PXDNL: variants seen among roughly 807,000 people sequenced by gnomAD.
The protein encoded by PXDNL is probable oxidoreductase PXDNL.
A neutral mutation model predicts 150.8 loss-of-function variants in PXDNL; 145 were observed. The observed-to-expected ratio is 0.96, with a 90% CI of 0.84 to 1.10. PXDNL has a LOEUF of 1.10. PXDNL is among the 50% of genes least tolerant of loss of function. The pLI is 0.00. For missense variants in PXDNL, 2,087 were observed against 1,873.9 expected, an observed-to-expected ratio of 1.11 and a Z score of -2.10; for synonymous variants, 757 against 725.7, an observed-to-expected ratio of 1.04 and a Z score of -0.69.
chr8:51,345,917 A>G lies in PXDNL; in HGVS notation c.3932T>C (p.Val1311Ala), dbSNP rs1179153958. Residue 1311 changes from valine (V) to alanine (A), a missense_variant, in exon 20 of 23, where the codon GTG becomes GCG. Val to Ala is a moderately conservative substitution (Grantham distance 64). Transcript: ENST00000356297. ...GCGTTTCTTTTGAGACTCTTGCGTC[A>G]CTGCTCTGAACTGTCCTCTACTCCT... ...DCRSRGQFRA[V>A]TQESQKKRSA... 5.0e-6 allele frequency: 8 copies of G among 1,613,288 alleles called. No homozygotes were observed. Among genetic ancestry groups the G allele is most frequent in the Non-Finnish European group, 6.8e-6 (8 of 1,179,224 alleles).
intron 10 of PXDNL, among the ~76,000 whole-genome samples, chr8:51,450,401 T>C (rs1441609537): frequency 6.6e-6 from 1 of 152,212 alleles, no homozygotes; most frequent in African/African-American, 2.4e-5. Context: ...CATCCTCATT[T>C]TACCCAGCCC....
chr8:51,642,769 A>G (rs1305337009), intron 2 of PXDNL, among the ~76,000 whole-genome samples: 1 of 152,252 alleles, frequency 6.6e-6, no homozygotes, highest in Non-Finnish European at 1.5e-5. Context: ...TCTGCAGATG[A>G]CATGACTGTA....
chr8:51,401,907 G>C (rs376970121), intron 17 of PXDNL, among the ~76,000 whole-genome samples: 2 of 152,168 alleles, frequency 1.3e-5, no homozygotes, highest in Non-Finnish European at 2.9e-5. Context: ...GGGTGGTGTC[G>C]ATGCAAGGTC....
At chr8:51,578,017 GGA>G (rs200295416) in intron 3 of PXDNL, among the ~76,000 whole-genome samples, 8 of 103,816 alleles carry the variant, frequency 7.7e-5, no homozygotes, top group African/African-American at 3.6e-4. Context: ...AAGGAAGGAA[GGA>G]AGGAAGGAAG....
chr8:51,477,805 C>G (rs1313130928), intron 6 of PXDNL, among the ~76,000 whole-genome samples: 1 of 152,182 alleles, frequency 6.6e-6, no homozygotes, highest in Non-Finnish European at 1.5e-5. Flanking sequence ...CACCTTCCCT[C>G]AGTCATACCT....
intron 1 of PXDNL, among the ~76,000 whole-genome samples, chr8:51,703,887 GTT>G (rs887464848): frequency 2.0e-5 from 3 of 152,040 alleles, no homozygotes; most frequent in Non-Finnish European, 2.9e-5. Context: ...TTCTTCTAAT[GTT>G]TTCCAGAGCA....
intron 12 of PXDNL, among the ~76,000 whole-genome samples, chr8:51,432,708 C>T (rs1212510074): frequency 6.6e-6 from 1 of 152,142 alleles, no homozygotes; most frequent in Non-Finnish European, 1.5e-5. Context: ...AATGTCATAT[C>T]CAATGATCTT....
At chr8:51,430,337 T>G (rs1446516393) in intron 12 of PXDNL, among the ~76,000 whole-genome samples, 1 of 152,154 alleles carries the variant, frequency 6.6e-6, no homozygotes, top group African/African-American at 2.4e-5. Context: ...AACAGAAGCT[T>G]AAAAGATCCA....
At chr8:51,462,885 G>C (rs1351450506) in intron 8 of PXDNL, among the ~76,000 whole-genome samples, 1 of 151,822 alleles carries the variant, frequency 6.6e-6, no homozygotes, top group Non-Finnish European at 1.5e-5. Flanking sequence ...AACCTAAAAG[G>C]GTTAGATTTC....
chr8:51,491,403 C>A (rs1385666109), intron 5 of PXDNL, among the ~76,000 whole-genome samples: 1 of 152,126 alleles, frequency 6.6e-6, no homozygotes, highest in Non-Finnish European at 1.5e-5. Flanking sequence ...CTCGAGTTTT[C>A]TTTCAGGAGC....
intron 2 of PXDNL, among the ~76,000 whole-genome samples, chr8:51,601,455 C>A (rs572897720): frequency 6.6e-6 from 1 of 152,076 alleles, no homozygotes; most frequent in Non-Finnish European, 1.5e-5. Context: ...TTGAAGTGAA[C>A]CCTTGGTCAT....
chr8:51,753,975 A>G (rs2037072235), intron 1 of PXDNL, among the ~76,000 whole-genome samples: 1 of 152,242 alleles, frequency 6.6e-6, no homozygotes, highest in Non-Finnish European at 1.5e-5. Flanking sequence ...TATCTCGATT[A>G]TCAAGCCACT....
intron 19 of PXDNL, among the ~76,000 whole-genome samples, chr8:51,366,903 C>T (rs1186363432): frequency 1.3e-5 from 2 of 151,982 alleles, no homozygotes; most frequent in African/African-American, 4.8e-5. Flanking sequence ...GAGTTCAAGA[C>T]CATCCTGGTC....
intron 13 of PXDNL, among the ~76,000 whole-genome samples, chr8:51,425,464 T>TA (rs1175440369): frequency 6.6e-6 from 1 of 152,220 alleles, no homozygotes; most frequent in African/African-American, 2.4e-5. Context: ...GCCCAAAATG[T>TA]ATATTTTTCA....
At chr8:51,453,836 G>T in intron 9 of PXDNL, 51 bp from the exon 10 acceptor site, 1 of 1,583,752 alleles carries the variant, frequency 6.3e-7, no homozygotes, top group Non-Finnish European at 8.6e-7. Flanking sequence ...CAGTTAGGAA[G>T]ATTTATTTAT....
chr8:51,374,727 AC>A lies in PXDNL; in HGVS notation c.3561del (p.Leu1187PhefsTer19), dbSNP rs767689539. ...DSEIRQKLRK[L>X]YGSPGDIDLW... ...AGGTCAATGTCACCTGGAGAGCCGT[AC>A]AACCTGGAACAGAGACAGGCAGACA... On this transcript the variant is annotated frameshift_variant, in exon 18 of 23. Transcript: ENST00000356297. LOFTEE classifies it high-confidence loss of function. 10 of 1,613,744 alleles carry A rather than the reference AC, an allele frequency of 6.2e-6. No homozygotes were observed. In the East Asian group the frequency reaches 2.0e-4, roughly 32 times the overall value.
chr8:51,586,639 C>A (rs1023071518), intron 3 of PXDNL, among the ~76,000 whole-genome samples: 2 of 152,106 alleles, frequency 1.3e-5, no homozygotes, highest in African/African-American at 2.4e-5. Context: ...CAAAAAAAAT[C>A]TTTTTATCTA....
intron 20 of PXDNL, among the ~76,000 whole-genome samples, chr8:51,341,425 G>A (rs1383891817): frequency 6.6e-6 from 1 of 151,876 alleles, no homozygotes; most frequent in Non-Finnish European, 1.5e-5. Context: ...TTTCACGTGT[G>A]CATGTGGTTT....
At chr8:51,562,923 T>C (rs1812746524) in intron 3 of PXDNL, among the ~76,000 whole-genome samples, 1 of 151,908 alleles carries the variant, frequency 6.6e-6, no homozygotes, top group Non-Finnish European at 1.5e-5. Context: ...CCAAGAGTCA[T>C]GGACTTGCGA....
Sources: allele counts gnomAD v4.1 joint callset (sites outside exome capture counted in the v4.1 genomes callset), GRCh38; gene constraint gnomAD v4.1.1; transcripts MANE v1.5; gene names NCBI Gene and HGNC (gene_info 2026-07-23, HGNC 2026-07-21).